Variants in BAZ2B observed in about 807,000 individuals in gnomAD.
The protein encoded by BAZ2B is bromodomain adjacent to zinc finger domain protein 2B.
In BAZ2B, 91 loss-of-function variants were observed where a neutral mutation model predicts 246.0. That is an observed-to-expected ratio of 0.37 (90% CI 0.31 to 0.44). BAZ2B has a LOEUF of 0.44. BAZ2B is among the 20% of genes least tolerant of loss of function. BAZ2B has a pLI of 1.00. For synonymous variants in BAZ2B, 855 were observed against 860.0 expected, an observed-to-expected ratio of 0.99 and a Z score of 0.10; for missense variants, 2,332 against 2,533.7, an observed-to-expected ratio of 0.92 and a Z score of 1.71.
chr2:159,630,860 T>C, the BAZ2B span, among the ~76,000 whole-genome samples: 5 of 152,112 alleles, frequency 3.3e-5, no homozygotes, highest in Non-Finnish European at 4.4e-5. Context: ...TATGCTATTA[T>C]TGGTGGTGTT....
chr2:159,587,010 C>A (rs1688162998), intron 1 of BAZ2B, among the ~76,000 whole-genome samples: 1 of 152,098 alleles, frequency 6.6e-6, no homozygotes, highest in Non-Finnish European at 1.5e-5. Context: ...CTAATCATGT[C>A]TCTTCCCCTT....
At chr2:159,670,880 G>C in the BAZ2B span, 3 of 152,088 alleles carry the variant, frequency 2.0e-5, no homozygotes, top group Non-Finnish European at 4.4e-5. Context: ...ATTTCTGAAG[G>C]ATACTTCCAC....
chr2:159,688,438 TATAAAG>T, the BAZ2B span, among the ~76,000 whole-genome samples: 1 of 152,202 alleles, frequency 6.6e-6, no homozygotes. Context: ...CTACTCCCTT[TATAAAG>T]ATATTTTTCA....
At chr2:159,534,130 G>C (rs2085670682) in intron 2 of BAZ2B, among the ~76,000 whole-genome samples, 1 of 152,070 alleles carries the variant, frequency 6.6e-6, no homozygotes, top group Non-Finnish European at 1.5e-5. Context: ...CAAATACATG[G>C]GGGACTTATA....
At chr2:159,438,833 C>T (rs1260243473) in intron 7 of BAZ2B, 138 bp from the exon 8 acceptor site, 9 of 1,275,142 alleles carry the variant, frequency 7.1e-6, no homozygotes, top group African/African-American at 3.0e-5. Context: ...TCTAAAAATT[C>T]GTAAAAGAAA....
intron 1 of BAZ2B, among the ~76,000 whole-genome samples, chr2:159,593,460 G>T (rs1053814114): frequency 6.6e-6 from 1 of 152,076 alleles, no homozygotes; most frequent in Non-Finnish European, 1.5e-5. Flanking sequence ...TTGTTTTGGG[G>T]GTTGTTTTTT....
intron 2 of BAZ2B, among the ~76,000 whole-genome samples, chr2:159,547,086 G>C (rs927236135): frequency 1.3e-5 from 2 of 152,054 alleles, no homozygotes; most frequent in African/African-American, 4.8e-5. Context: ...GACAAAAATC[G>C]TAAATTTTAT....
chr2:159,532,751 A>T (rs1315086885), intron 2 of BAZ2B, among the ~76,000 whole-genome samples: 1 of 152,160 alleles, frequency 6.6e-6, no homozygotes, highest in East Asian at 1.9e-4. Flanking sequence ...TGATAAAAGG[A>T]TTCTGTGTCA....
At chr2:159,596,121 T>C (rs947254111) in intron 1 of BAZ2B, among the ~76,000 whole-genome samples, 1 of 151,832 alleles carries the variant, frequency 6.6e-6, no homozygotes, top group South Asian at 2.1e-4. Context: ...GGAAAAGGAG[T>C]AGTATTGTCC....
chr2:159,609,541 TTC>T (rs1036923888), intron 1 of BAZ2B, among the ~76,000 whole-genome samples: 2 of 152,310 alleles, frequency 1.3e-5, no homozygotes, highest in African/African-American at 4.8e-5. Flanking sequence ...TCCAGGATAA[TTC>T]TGTTATTGAT....
intron 25 of BAZ2B, 151 bp from the exon 26 acceptor site, chr2:159,374,904 T>C (rs2061259990): frequency 3.0e-6 from 2 of 657,462 alleles, no homozygotes; most frequent in Non-Finnish European, 2.6e-6. Context: ...GAGAGATACA[T>C]AAAACATTAT....
At chr2:159,638,263 C>A in the BAZ2B span, among the ~76,000 whole-genome samples, 2 of 152,192 alleles carry the variant, frequency 1.3e-5, no homozygotes, top group Non-Finnish European at 2.9e-5. Flanking sequence ...AGAAAGACTT[C>A]TCAAGAACGA....
chr2:159,474,981 C>A (rs2078326439), intron 3 of BAZ2B, among the ~76,000 whole-genome samples: 1 of 152,096 alleles, frequency 6.6e-6, no homozygotes, highest in Non-Finnish European at 1.5e-5. Flanking sequence ...CTCTGGCTGC[C>A]CTTAACATTT....
chr2:159,644,152 C>T, the BAZ2B span, among the ~76,000 whole-genome samples: 1 of 152,120 alleles, frequency 6.6e-6, no homozygotes, highest in African/African-American at 2.4e-5. Context: ...ACTCAAGGTA[C>T]TATTCATCTT....
intron 3 of BAZ2B, among the ~76,000 whole-genome samples, chr2:159,470,104 G>T (rs1168889764): frequency 6.6e-6 from 1 of 152,000 alleles, no homozygotes; most frequent in Non-Finnish European, 1.5e-5. Context: ...TAACCAAGTG[G>T]GATTAATCCT....
chr2:159,524,058 C>T (rs1250324087), intron 2 of BAZ2B, among the ~76,000 whole-genome samples: 1 of 152,060 alleles, frequency 6.6e-6, no homozygotes. Context: ...CAAGAATTTA[C>T]ACTCAGCAAA....
chr2:159,567,867 G>C (rs898141636), intron 1 of BAZ2B, among the ~76,000 whole-genome samples: 3 of 152,172 alleles, frequency 2.0e-5, no homozygotes, highest in Non-Finnish European at 4.4e-5. Context: ...AGCTACTCGG[G>C]AGGCTGAGGC....
chr2:159,363,794 A>G (rs942386510), intron 27 of BAZ2B, among the ~76,000 whole-genome samples: 2 of 152,236 alleles, frequency 1.3e-5, no homozygotes, highest in Admixed American at 6.5e-5. Flanking sequence ...ATGTGAGATG[A>G]AACATGATAC....
the BAZ2B span, among the ~76,000 whole-genome samples, chr2:159,623,077 A>AAGGGAGAGGGG: frequency 7.0e-6 from 1 of 143,238 alleles, no homozygotes; most frequent in African/African-American, 2.6e-5. Flanking sequence ...AAGAGAAGGG[A>AAGGGAGAGGGG]AGGGAGAGGG....
Sources: allele counts gnomAD v4.1 joint callset (sites outside exome capture counted in the v4.1 genomes callset), GRCh38; gene constraint gnomAD v4.1.1; transcripts MANE v1.5; gene names NCBI Gene and HGNC (gene_info 2026-07-23, HGNC 2026-07-21).